The following CEP83 variants were observed in gnomAD, a reference collection of about 807,000 sequenced individuals.
The protein encoded by CEP83 is centrosomal protein 83.
CEP83 carries 70 observed loss-of-function variants against 101.9 expected under a neutral mutation model. That is an observed-to-expected ratio of 0.69 (90% CI 0.57 to 0.84). The LOEUF is 0.84. Among genes scored for constraint, CEP83 ranks in the 40% least tolerant of loss-of-function variants. The probability of loss-of-function intolerance (pLI) is 0.00; values close to 1 mark genes in which losing one functional copy is unlikely to be tolerated. For synonymous variants in CEP83, 264 were observed against 267.9 expected, an observed-to-expected ratio of 0.99 and a Z score of 0.14; for missense variants, 715 against 787.2, an observed-to-expected ratio of 0.91 and a Z score of 1.10.
intron 1 of CEP83, among the ~76,000 whole-genome samples, chr12:94,455,774 T>C (rs1473671608): frequency 1.3e-5 from 2 of 152,118 alleles, no homozygotes; most frequent in African/African-American, 4.8e-5. Flanking sequence ...GCCGGGCGCA[T>C]TGGCTCACAC....
intron 1 of CEP83, among the ~76,000 whole-genome samples, chr12:94,443,207 C>G: frequency 6.6e-6 from 1 of 151,958 alleles, no homozygotes; most frequent in South Asian, 2.1e-4. Context: ...TTACAGACCC[C>G]CAGGACCCCT....
the CEP83 span, among the ~76,000 whole-genome samples, chr12:94,292,308 C>T: frequency 2.0e-5 from 3 of 152,130 alleles, no homozygotes; most frequent in South Asian, 2.1e-4. Context: ...GTCATTGTCT[C>T]GGAAGGGACA....
rs140326437 is a variant in CEP83 at position 94,435,921 on chromosome 12, T to C, written c.-154-594A>G. ...TATATCACAAGACAACTTGCAGACA[T>C]TCGCCAGCACCAGCCTGGAGCCCAG... On this transcript the variant is annotated intron_variant, in intron 1 of 16. Transcript: ENST00000397809. Among the ~76,000 whole-genome samples, 181 of 152,200 alleles carry C rather than the reference T, an allele frequency of 1.2e-3. 1 individual carries two copies. The highest frequency in any genetic ancestry group is 6.8e-3 in the Middle Eastern group (2 of 294).
At position 94,402,922 on chromosome 12, in the gene CEP83, A is replaced by G. The variant is rs190401710; in HGVS notation, c.417+248T>C. The G allele has an allele frequency of 2.9e-3, 760 of 258,658 alleles. 4 individuals are homozygous for G. The highest frequency in any genetic ancestry group is 0.017 in the Admixed American group (313 of 18,586). 16.0% of individuals were successfully genotyped at this position (258,658 alleles called of 1,614,324 possible). A position where few individuals can be genotyped will look rare whatever the true frequency, so the allele number is the denominator to read the frequency against. ...GCAAAAAAATTAAAAAAGAAATAAA[A>G]TTAAAAATAAAAATAAAGAAACGCA... is the stretch of plus-strand genomic sequence containing the variant. On this transcript the variant is annotated intron_variant, in intron 5 of 16. Coordinates refer to ENST00000397809, the MANE Select transcript of CEP83 (RefSeq NM_016122.3).
intron 14 of CEP83, among the ~76,000 whole-genome samples, chr12:94,326,716 T>A (rs925927595): frequency 6.6e-6 from 1 of 152,040 alleles, no homozygotes; most frequent in African/African-American, 2.4e-5. Context: ...GAGCTACAGA[T>A]ACACAGGGAG....
the CEP83 span, among the ~76,000 whole-genome samples, chr12:94,293,773 T>G: frequency 2.0e-5 from 3 of 152,132 alleles, no homozygotes; most frequent in African/African-American, 7.2e-5. Context: ...TGTGCACCAA[T>G]GCGCCCAGAT....
chr12:94,278,929 C>T, the CEP83 span, among the ~76,000 whole-genome samples: 75 of 151,944 alleles, frequency 4.9e-4, 1 homozygote, highest in Non-Finnish European at 5.0e-4. Context: ...ACCCAGGAGG[C>T]GGAGGTTGCA....
Position 94,440,437 on chromosome 12 carries a change from T to C in CEP83, c.-154-5110A>G, listed in dbSNP as rs560320694. On this transcript the variant is annotated intron_variant, in intron 1 of 16. Coordinates refer to ENST00000397809, the MANE Select transcript of CEP83 (RefSeq NM_016122.3). ...ATCAAGAACTCAACCCCTTTTACAA[T>C]AGCTGCAAAAAATAAAATAAAATAC... Among the ~76,000 whole-genome samples, 96 of 150,822 alleles carry C rather than the reference T, an allele frequency of 6.4e-4. No individual in the cohort carries two copies. The Middle Eastern group carries it at 0.014, about 21-fold the overall frequency.
intron 6 of CEP83, among the ~76,000 whole-genome samples, chr12:94,385,743 C>T (rs576276855): frequency 4.7e-4 from 71 of 152,194 alleles, no homozygotes; most frequent in African/African-American, 1.5e-3. Context: ...TTACTTATTT[C>T]TGAATCTTCA....
chr12:94,418,849 C>A (rs1022266402), intron 2 of CEP83, among the ~76,000 whole-genome samples: 2 of 151,940 alleles, frequency 1.3e-5, no homozygotes, highest in Non-Finnish European at 2.9e-5. Flanking sequence ...AAAAATAAAC[C>A]TAGCAAACTA....
intron 8 of CEP83, among the ~76,000 whole-genome samples, chr12:94,370,263 G>A (rs371806947): frequency 6.6e-6 from 1 of 152,206 alleles, no homozygotes. Context: ...ACGAATATCT[G>A]TGTATGGTCC....
the CEP83 span, among the ~76,000 whole-genome samples, chr12:94,277,442 G>A: frequency 8.5e-5 from 13 of 152,148 alleles, no homozygotes; most frequent in Non-Finnish European, 1.3e-4. Flanking sequence ...CCACATCCAC[G>A]TCAGTGGTCC....
At chr12:94,353,027 G>A (rs1009394061) in intron 11 of CEP83, among the ~76,000 whole-genome samples, 9 of 151,938 alleles carry the variant, frequency 5.9e-5, no homozygotes, top group African/African-American at 2.2e-4. Context: ...ACCCAAAAAG[G>A]TCCTCTCCAA....
the CEP83 span, among the ~76,000 whole-genome samples, chr12:94,266,604 A>C: frequency 6.6e-6 from 1 of 152,312 alleles, no homozygotes; most frequent in African/African-American, 2.4e-5. Flanking sequence ...TAGAGTGGTT[A>C]ACAGCATGGA....
At chr12:94,382,901 T>C (rs542801403) in intron 6 of CEP83, among the ~76,000 whole-genome samples, 1 of 152,206 alleles carries the variant, frequency 6.6e-6, no homozygotes, top group East Asian at 1.9e-4. Flanking sequence ...GATGGTGTTA[T>C]TGCGTTCTTA....
chr12:94,383,973 C>G (rs1232834612), intron 6 of CEP83, among the ~76,000 whole-genome samples: 1 of 152,080 alleles, frequency 6.6e-6, no homozygotes, highest in African/African-American at 2.4e-5. Context: ...TTTACTTCAA[C>G]CACCAAACAA....
intron 11 of CEP83, among the ~76,000 whole-genome samples, chr12:94,348,770 A>G (rs924849754): frequency 2.6e-5 from 4 of 152,196 alleles, no homozygotes; most frequent in African/African-American, 9.7e-5. Flanking sequence ...CGCAGCCGGC[A>G]CTGATCAACA....
At chr12:94,312,664 C>G in intron 15 of CEP83, 1 of 985,314 alleles carries the variant, frequency 1.0e-6, no homozygotes, top group South Asian at 4.7e-5. Context: ...CTCCTTGCTA[C>G]CAAAGCCAGT....
At chr12:94,399,151 G>A (rs941896657) in intron 6 of CEP83, among the ~76,000 whole-genome samples, 2 of 151,976 alleles carry the variant, frequency 1.3e-5, no homozygotes, top group Admixed American at 6.6e-5. Flanking sequence ...TGATCTTTTT[G>A]TGACCTACTC....
Sources: gnomAD v4.1 joint callset for allele counts (sites outside exome capture counted in the v4.1 genomes callset) on GRCh38, gnomAD v4.1.1 for gene constraint, MANE v1.5 for transcripts, NCBI Gene and HGNC (gene_info 2026-07-23, HGNC 2026-07-21) for gene names.